Variants in FUT8 observed in about 807,000 individuals in gnomAD.
The protein encoded by FUT8 is fucosyltransferase 8, also known as alpha-(1,6)-fucosyltransferase.
FUT8 carries 29 observed loss-of-function variants against 71.3 expected under a neutral mutation model. The ratio of observed to expected loss-of-function variants is 0.41; its 90% CI spans 0.30 to 0.55. The LOEUF (loss-of-function observed/expected upper bound fraction) is 0.55. FUT8 is among the 20% of genes least tolerant of loss of function. The pLI, the probability that FUT8 is intolerant of heterozygous loss-of-function variation, is 0.34. For synonymous variants in FUT8, 254 were observed against 239.3 expected (o/e 1.06, Z -0.57); for missense variants, 544 against 702.1 (o/e 0.77, Z 2.55).
intron 2 of FUT8, among the ~76,000 whole-genome samples, chr14:65,492,268 T>G (rs111912186): frequency 1.3e-4 from 20 of 152,288 alleles, no homozygotes; most frequent in African/African-American, 4.8e-4. Context: ...GAAAGCTGCC[T>G]TCTTACTTCA....
intron 7 of FUT8, among the ~76,000 whole-genome samples, chr14:65,706,223 T>A (rs760579005): frequency 2.0e-5 from 3 of 152,204 alleles, no homozygotes; most frequent in Non-Finnish European, 4.4e-5. Context: ...TATAACTTCT[T>A]CAAGGTCACA....
chr14:65,456,021 G>T (rs777956211), intron 2 of FUT8, among the ~76,000 whole-genome samples: 2 of 152,080 alleles, frequency 1.3e-5, no homozygotes, highest in Non-Finnish European at 2.9e-5. Flanking sequence ...TGGCATCGTT[G>T]TGTGGCATAT....
At chr14:65,440,386 G>T (rs1340546218) in intron 1 of FUT8, among the ~76,000 whole-genome samples, 1 of 149,980 alleles carries the variant, frequency 6.7e-6, no homozygotes, top group African/African-American at 2.5e-5. Flanking sequence ...TCACTGTGTT[G>T]CCCAGGCTTA....
intron 1 of FUT8, among the ~76,000 whole-genome samples, chr14:65,439,952 GTGTATATA>G (rs1375600305): frequency 7.3e-4 from 28 of 38,222 alleles, no homozygotes; most frequent in South Asian, 2.2e-3. Context: ...GTGTGTGTGT[GTGTATATA>G]TATATATATA....
At chr14:65,450,086 G>A (rs775723320) in intron 1 of FUT8, among the ~76,000 whole-genome samples, 9 of 152,134 alleles carry the variant, frequency 5.9e-5, no homozygotes, top group Admixed American at 1.3e-4. Flanking sequence ...ATGTATGCAT[G>A]TGTGTGTGGT....
At chr14:65,427,405 C>T (rs1461069512) in intron 1 of FUT8, among the ~76,000 whole-genome samples, 1 of 152,130 alleles carries the variant, frequency 6.6e-6, no homozygotes, top group Non-Finnish European at 1.5e-5. Context: ...ATTTACATTC[C>T]CACCAACAGT....
intron 2 of FUT8, among the ~76,000 whole-genome samples, chr14:65,478,875 G>T (rs2066287110): frequency 1.3e-5 from 2 of 152,262 alleles, no homozygotes; most frequent in South Asian, 4.1e-4. Context: ...ATCATTCTTT[G>T]CACAGATAAA....
At chr14:65,491,579 C>A (rs1301458482) in intron 2 of FUT8, among the ~76,000 whole-genome samples, 1 of 152,018 alleles carries the variant, frequency 6.6e-6, no homozygotes, top group East Asian at 1.9e-4. Flanking sequence ...AAAACACATT[C>A]ATTAAGGCAA....
rs374679031 is a variant in FUT8, at chr14:65,742,077, T to A, written c.1411-16T>A. ...GTGTTTATATACTAACAATTTCTTT[T>A]AAATTCTTTCCCAAGGTCTGTCGAG... On this transcript the variant is annotated splice_polypyrimidine_tract_variant and intron_variant, in intron 10 of 10. Coordinates refer to ENST00000673929, the MANE Select transcript of FUT8 (RefSeq NM_001371533.1). 42 of 1,602,860 alleles carry A rather than the reference T, an allele frequency of 2.6e-5. No homozygotes were observed. In the African/African-American group the frequency reaches 4.8e-4, roughly 18 times the overall value.
intron 7 of FUT8, among the ~76,000 whole-genome samples, chr14:65,698,401 G>A (rs909792419): frequency 3.9e-5 from 6 of 152,066 alleles, no homozygotes; most frequent in Non-Finnish European, 7.4e-5. Context: ...GTACTATTTC[G>A]GTAGTATATA....
chr14:65,541,015 A>G (rs1025995309), intron 2 of FUT8, among the ~76,000 whole-genome samples: 1 of 150,554 alleles, frequency 6.6e-6, no homozygotes, highest in Non-Finnish European at 1.5e-5. Context: ...GGTTTTTCAT[A>G]TGATTCTTTG....
At chr14:65,582,548 A>G in intron 3 of FUT8, among the ~76,000 whole-genome samples, 1 of 152,162 alleles carries the variant, frequency 6.6e-6, no homozygotes, top group East Asian at 1.9e-4. Flanking sequence ...GTGGTTCTTT[A>G]AAATTCAACC....
At chr14:65,612,127 G>GT (rs955970120) in intron 3 of FUT8, among the ~76,000 whole-genome samples, 5 of 151,914 alleles carry the variant, frequency 3.3e-5, no homozygotes, top group Admixed American at 1.3e-4. Context: ...GTCTTTTCTT[G>GT]TTTTTTTGCA....
chr14:65,473,561 A>G (rs2066182101), intron 2 of FUT8, among the ~76,000 whole-genome samples: 1 of 152,236 alleles, frequency 6.6e-6, no homozygotes, highest in Non-Finnish European at 1.5e-5. Flanking sequence ...GATCTCCTAT[A>G]TGTGCCAAAC....
rs139460795 is a variant in FUT8 at position 65,713,806 on chromosome 14, A to G, written c.836-7969A>G. 2.2e-3 allele frequency among the ~76,000 whole-genome samples: 342 copies of G among 152,200 alleles called. 2 individuals are homozygous for G. The highest frequency in any genetic ancestry group is 8.0e-3 in the African/African-American group (334 of 41,514). On this transcript the variant is annotated intron_variant, in intron 7 of 10. Coordinates refer to ENST00000673929, the MANE Select transcript of FUT8 (RefSeq NM_001371533.1). ...CTCTTGTCACATGGGTAGTTTGCAA[A>G]TATTTTCTCCCATTCTGCAGGTTGT...
intron 2 of FUT8, among the ~76,000 whole-genome samples, chr14:65,464,754 T>C (rs1175809956): frequency 6.6e-6 from 1 of 152,196 alleles, no homozygotes; most frequent in Non-Finnish European, 1.5e-5. Flanking sequence ...TTGAGAACAT[T>C]TGCCTCTGTG....
chr14:65,693,004 A>G (rs1893768941), intron 7 of FUT8, among the ~76,000 whole-genome samples: 2 of 146,462 alleles, frequency 1.4e-5, no homozygotes, highest in Admixed American at 6.8e-5. Flanking sequence ...CCGGGCAGAG[A>G]TGCTCCTCAC....
At chr14:65,677,165 CGCGCGCACGTAT>C (rs1892794563) in intron 7 of FUT8, among the ~76,000 whole-genome samples, 1 of 82,712 alleles carries the variant, frequency 1.2e-5, no homozygotes, top group African/African-American at 5.3e-5. Context: ...CGCGCGCATG[CGCGCGCACGTAT>C]GTGTGTGCGC....
At chr14:65,411,822 G>A (rs1367542262), upstream of FUT8, 2 of 339,602 alleles carry the variant, frequency 5.9e-6, no homozygotes, top group African/African-American at 4.4e-5. Context: ...CCACTCACGC[G>A]GCGCGCAGCT....
Sources: allele counts gnomAD v4.1 joint callset (sites outside exome capture counted in the v4.1 genomes callset), GRCh38; gene constraint gnomAD v4.1.1; transcripts MANE v1.5; gene names NCBI Gene and HGNC (gene_info 2026-07-23, HGNC 2026-07-21).